Variants in CRLF3 observed in about 807,000 individuals in gnomAD.
The protein encoded by CRLF3 is cytokine receptor-like factor 3.
CRLF3 carries 33 observed loss-of-function variants against 55.0 expected under a neutral mutation model. The ratio of observed to expected loss-of-function variants is 0.60; its 90% CI spans 0.46 to 0.80. The LOEUF is 0.80. Ranked by LOEUF, CRLF3 falls within the 30% of genes least tolerant of loss-of-function variation. CRLF3 has a pLI of 0.00. For missense variants in CRLF3, 494 were observed against 538.4 expected, an observed-to-expected ratio of 0.92 and a Z score of 0.82; for synonymous variants, 238 against 196.8, an observed-to-expected ratio of 1.21 and a Z score of -1.75.
intron 7 of CRLF3, 115 bp downstream of exon 7, chr17:30,785,803 GA>G: frequency 1.9e-6 from 1 of 521,536 alleles, no homozygotes; most frequent in Non-Finnish European, 3.3e-6. Flanking sequence ...AAAAGAAAAA[GA>G]AAAATACCTA....
chr17:30,794,017 T>C (rs1971865300), intron 4 of CRLF3, among the ~76,000 whole-genome samples: 1 of 152,106 alleles, frequency 6.6e-6, no homozygotes, highest in African/African-American at 2.4e-5. Flanking sequence ...TTTTTGTATT[T>C]TTTGTAGAGA....
chr17:30,790,505 G>A (rs1971768303), intron 6 of CRLF3: 1 of 150,730 alleles, frequency 6.6e-6, no homozygotes, highest in South Asian at 2.1e-4. Context: ...ACTTTAGAGA[G>A]TAGCATATAC....
chr17:30,806,780 C>T (rs542862121), intron 1 of CRLF3, among the ~76,000 whole-genome samples: 31 of 152,160 alleles, frequency 2.0e-4, no homozygotes, highest in African/African-American at 6.5e-4. Flanking sequence ...CTTATAGGTG[C>T]GGGCCACCAC....
At chr17:30,804,877 A>G (rs1904338755) in intron 1 of CRLF3, among the ~76,000 whole-genome samples, 1 of 152,132 alleles carries the variant, frequency 6.6e-6, no homozygotes, top group South Asian at 2.1e-4. Flanking sequence ...TTATTTGTCA[A>G]ATGAGCATAA....
At chr17:30,821,570 T>C (rs1198246577) in intron 1 of CRLF3, among the ~76,000 whole-genome samples, 2 of 152,212 alleles carry the variant, frequency 1.3e-5, no homozygotes, top group African/African-American at 4.8e-5. Context: ...TAAAATGTGG[T>C]ATATCCACAT....
chr17:30,788,354 G>GA (rs1376648044), intron 6 of CRLF3, among the ~76,000 whole-genome samples: 4 of 146,354 alleles, frequency 2.7e-5, no homozygotes, highest in East Asian at 2.0e-4. Context: ...GAAAAGAAAA[G>GA]AAAGAAGGAA....
chr17:30,805,501 C>T (rs997004843), intron 1 of CRLF3, among the ~76,000 whole-genome samples: 1 of 151,980 alleles, frequency 6.6e-6, no homozygotes, highest in African/African-American at 2.4e-5. Context: ...ATCATGAGGT[C>T]AGGAGTTCAA....
At chr17:30,794,951 A>G (rs1244064538) in intron 4 of CRLF3, among the ~76,000 whole-genome samples, 2 of 152,224 alleles carry the variant, frequency 1.3e-5, no homozygotes, top group African/African-American at 2.4e-5. Context: ...GTTTGTTATT[A>G]CCTATCAGCG....
chr17:30,788,599 C>CTTTTTTTTTTTTTTTTTTTT (rs1159336036), intron 6 of CRLF3, among the ~76,000 whole-genome samples: 1 of 80,036 alleles, frequency 1.2e-5, no homozygotes, highest in African/African-American at 5.8e-5. Context: ...GTAGTGCCTT[C>CTTTTTTTTTTTTTTTTTTTT]TTTTTTTTTT....
intron 2 of CRLF3, chr17:30,801,444 A>G (rs942465413): frequency 5.3e-5 from 8 of 150,840 alleles, no homozygotes; most frequent in African/African-American, 1.7e-4. Flanking sequence ...ATTTTTTTTT[A>G]TTTTGAGACG....
intron 6 of CRLF3, among the ~76,000 whole-genome samples, chr17:30,789,040 C>T (rs1339961461): frequency 6.6e-6 from 1 of 152,112 alleles, no homozygotes. Flanking sequence ...CATGGAGTCC[C>T]CCTTGCATTC....
intron 6 of CRLF3, among the ~76,000 whole-genome samples, chr17:30,788,599 CTTTTTTTTTTTTT>C (rs1159336036): frequency 1.4e-4 from 11 of 80,036 alleles, no homozygotes; most frequent in African/African-American, 4.6e-4. Flanking sequence ...GTAGTGCCTT[CTTTTTTTTTTTTT>C]TTTTTTTTTT....
intron 6 of CRLF3, chr17:30,790,519 A>G (rs184928641): frequency 1.3e-5 from 2 of 151,790 alleles, no homozygotes; most frequent in Middle Eastern, 6.8e-3. Flanking sequence ...CATATACATA[A>G]TATGTTTACA....
chr17:30,797,265 A>G, intron 3 of CRLF3, 46 bp downstream of exon 3: 1 of 1,284,710 alleles, frequency 7.8e-7, no homozygotes, highest in Admixed American at 1.7e-5. Flanking sequence ...AAGCAGACAT[A>G]GTTTAAATGC....
chr17:30,804,883 CATA>C (rs1228543644), intron 1 of CRLF3, among the ~76,000 whole-genome samples: 3 of 152,044 alleles, frequency 2.0e-5, no homozygotes, highest in Non-Finnish European at 2.9e-5. Flanking sequence ...GTCAAATGAG[CATA>C]ATAATAGTTA....
At chr17:30,804,519 A>G (rs1332112404) in intron 1 of CRLF3, among the ~76,000 whole-genome samples, 1 of 152,216 alleles carries the variant, frequency 6.6e-6, no homozygotes. Context: ...GGCAAGCACC[A>G]TTCTACTTTC....
intron 2 of CRLF3, 35 bp from the exon 3 acceptor site, chr17:30,797,433 A>G: frequency 3.3e-6 from 5 of 1,535,124 alleles, no homozygotes; most frequent in Non-Finnish European, 4.5e-6. Context: ...GAACAATGAA[A>G]ATGGTCACAT....
At chr17:30,790,310 G>A (rs1348262281) in intron 6 of CRLF3, among the ~76,000 whole-genome samples, 1 of 152,112 alleles carries the variant, frequency 6.6e-6, no homozygotes, top group Non-Finnish European at 1.5e-5. Flanking sequence ...TGAAAATCAG[G>A]CAAACTTTAC....
At chr17:30,814,990 C>T (rs1904742039) in intron 1 of CRLF3, among the ~76,000 whole-genome samples, 1 of 151,646 alleles carries the variant, frequency 6.6e-6, no homozygotes, top group African/African-American at 2.4e-5. Flanking sequence ...GCAACAAGTG[C>T]GAAACTCCGT....
Sources: allele counts gnomAD v4.1 joint callset (sites outside exome capture counted in the v4.1 genomes callset), GRCh38; gene constraint gnomAD v4.1.1; transcripts MANE v1.5; gene names NCBI Gene and HGNC (gene_info 2026-07-23, HGNC 2026-07-21).